The following HS6ST3 variants were observed in gnomAD, a reference collection of about 807,000 sequenced individuals.
HS6ST3 encodes the protein heparan-sulfate 6-O-sulfotransferase 3.
In HS6ST3, 12 loss-of-function variants were observed where a neutral mutation model predicts 36.7. The ratio of observed to expected loss-of-function variants is 0.33; its 90% CI spans 0.21 to 0.53. The LOEUF is 0.53. HS6ST3 is among the 20% of genes least tolerant of loss of function. The pLI is 0.95. For synonymous variants in HS6ST3, 240 were observed against 257.5 expected, an observed-to-expected ratio of 0.93 and a Z score of 0.65; for missense variants, 584 against 640.9, an observed-to-expected ratio of 0.91 and a Z score of 0.96.
intron 1 of HS6ST3, among the ~76,000 whole-genome samples, chr13:96,529,124 C>T (rs1001954916): frequency 5.9e-5 from 9 of 152,022 alleles, no homozygotes; most frequent in South Asian, 4.1e-4. Flanking sequence ...TTTTGGGATT[C>T]TTCAATAATT....
chr13:96,542,667 G>A (rs903888868), intron 1 of HS6ST3, among the ~76,000 whole-genome samples: 1 of 152,146 alleles, frequency 6.6e-6, no homozygotes, highest in Non-Finnish European at 1.5e-5. Context: ...AAGTGTGGGA[G>A]TGACTGCATT....
intron 1 of HS6ST3, among the ~76,000 whole-genome samples, chr13:96,487,227 T>A (rs2138902565): frequency 6.6e-6 from 1 of 152,196 alleles, no homozygotes; most frequent in Non-Finnish European, 1.5e-5. Flanking sequence ...GCGATGATTA[T>A]AAATGTGAAA....
chr13:96,307,398 A>C (rs2054918996), intron 1 of HS6ST3, among the ~76,000 whole-genome samples: 1 of 152,184 alleles, frequency 6.6e-6, no homozygotes, highest in Non-Finnish European at 1.5e-5. Context: ...TTACATCACT[A>C]GATGAATGAT....
chr13:96,716,741 G>A (rs1875706209), intron 1 of HS6ST3, among the ~76,000 whole-genome samples: 1 of 151,926 alleles, frequency 6.6e-6, no homozygotes, highest in African/African-American at 2.4e-5. Flanking sequence ...ATCTCTAGCT[G>A]TTTTATTTCT....
At position 96,469,437 on chromosome 13, in the gene HS6ST3, C is replaced by G. The variant is rs868507238; in HGVS notation, c.708-363053C>G. On this transcript the variant is annotated intron_variant, in intron 1 of 1. Coordinates refer to ENST00000376705, the MANE Select transcript of HS6ST3 (RefSeq NM_153456.4). The stretch of plus-strand genomic sequence containing the variant: ...GAGCAGCAGGTCTTTATCACAGTAC[C>G]GCTAGATGGTATCCAGCTCCTCCAC... Among the ~76,000 whole-genome samples, 17 of 152,014 alleles carry G rather than the reference C, an allele frequency of 1.1e-4. 1 individual carries two copies. Among genetic ancestry groups the G allele is most frequent in the Admixed American group, 9.2e-4 (14 of 15,246 alleles).
intron 1 of HS6ST3, among the ~76,000 whole-genome samples, chr13:96,537,179 T>C (rs1193492507): frequency 6.6e-6 from 1 of 152,110 alleles, no homozygotes; most frequent in Non-Finnish European, 1.5e-5. Context: ...GCGAAAGGCT[T>C]ATCTTACGTG....
intron 1 of HS6ST3, among the ~76,000 whole-genome samples, chr13:96,757,421 C>A (rs1876858760): frequency 6.6e-6 from 1 of 152,128 alleles, no homozygotes; most frequent in Non-Finnish European, 1.5e-5. Context: ...GGCAGGTTGT[C>A]TGAAAATACA....
intron 1 of HS6ST3, among the ~76,000 whole-genome samples, chr13:96,547,129 G>T (rs946501486): frequency 6.6e-6 from 1 of 152,168 alleles, no homozygotes; most frequent in East Asian, 1.9e-4. Context: ...AAGCTAATAC[G>T]TGCTATTGGA....
At chr13:96,181,877 A>T (rs748511174) in intron 1 of HS6ST3, among the ~76,000 whole-genome samples, 8 of 152,134 alleles carry the variant, frequency 5.3e-5, no homozygotes, top group Non-Finnish European at 1.2e-4. Context: ...CCCCCACTGC[A>T]GGATATTGTA....
intron 1 of HS6ST3, among the ~76,000 whole-genome samples, chr13:96,125,709 T>A (rs1162919294): frequency 6.6e-6 from 1 of 151,868 alleles, no homozygotes; most frequent in Non-Finnish European, 1.5e-5. Flanking sequence ...ATAAAATATA[T>A]AAATTTATTA....
intron 1 of HS6ST3, among the ~76,000 whole-genome samples, chr13:96,399,010 C>A (rs2055435850): frequency 6.6e-6 from 1 of 152,198 alleles, no homozygotes; most frequent in African/African-American, 2.4e-5. Flanking sequence ...ACCCTGAGCA[C>A]AGGACCCAGC....
chr13:96,638,691 AT>A (rs1234940280), intron 1 of HS6ST3, among the ~76,000 whole-genome samples: 2 of 151,804 alleles, frequency 1.3e-5, no homozygotes, highest in Non-Finnish European at 2.9e-5. Context: ...TTCCACCATG[AT>A]TGTTAAGTTT....
intron 1 of HS6ST3, among the ~76,000 whole-genome samples, chr13:96,227,216 A>G (rs1476035078): frequency 6.6e-6 from 1 of 152,214 alleles, no homozygotes; most frequent in African/African-American, 2.4e-5. Context: ...CTTTGGGATA[A>G]ATATTTACCC....
intron 1 of HS6ST3, among the ~76,000 whole-genome samples, chr13:96,692,413 A>G (rs1874990209): frequency 6.6e-6 from 1 of 151,454 alleles, no homozygotes; most frequent in South Asian, 2.1e-4. Flanking sequence ...TTCACTACAG[A>G]AACTTTTTTT....
At chr13:96,558,300 A>G (rs914791633) in intron 1 of HS6ST3, among the ~76,000 whole-genome samples, 4 of 152,212 alleles carry the variant, frequency 2.6e-5, no homozygotes, top group African/African-American at 7.2e-5. Flanking sequence ...TTGAGAATGT[A>G]CTGTGTGCCA....
intron 1 of HS6ST3, among the ~76,000 whole-genome samples, chr13:96,767,186 T>C (rs1877139191): frequency 6.6e-6 from 1 of 152,182 alleles, no homozygotes; most frequent in South Asian, 2.1e-4. Flanking sequence ...ACTAGTAACA[T>C]AGCAAGTATT....
chr13:96,511,610 T>C (rs1339875124), intron 1 of HS6ST3, among the ~76,000 whole-genome samples: 1 of 151,676 alleles, frequency 6.6e-6, no homozygotes, highest in East Asian at 1.9e-4. Flanking sequence ...TTTTGATTTA[T>C]GGGCATTCTA....
chr13:96,483,587 A>C (rs528167020), intron 1 of HS6ST3, among the ~76,000 whole-genome samples: 3 of 152,252 alleles, frequency 2.0e-5, no homozygotes, highest in Admixed American at 2.0e-4. Flanking sequence ...GAGTGCTTTC[A>C]GAATTAGGAA....
At chr13:96,527,607 C>T (rs2056119388) in intron 1 of HS6ST3, among the ~76,000 whole-genome samples, 1 of 152,140 alleles carries the variant, frequency 6.6e-6, no homozygotes, top group South Asian at 2.1e-4. Flanking sequence ...TCAGATAAAG[C>T]ATCTTGGAGG....
Sources: allele counts gnomAD v4.1 joint callset (sites outside exome capture counted in the v4.1 genomes callset), GRCh38; gene constraint gnomAD v4.1.1; transcripts MANE v1.5; gene names NCBI Gene and HGNC (gene_info 2026-07-23, HGNC 2026-07-21).